FMN2: variants seen among roughly 807,000 people sequenced by gnomAD.
FMN2 encodes formin-2.
FMN2 carries 51 observed loss-of-function variants against 142.3 expected under a neutral mutation model. That is an observed-to-expected ratio of 0.36 (90% CI 0.29 to 0.45). The LOEUF is 0.45. Among genes scored for constraint, FMN2 ranks in the 20% least tolerant of loss-of-function variants. The pLI is 1.00. For synonymous variants in FMN2, 882 were observed against 869.8 expected (o/e 1.01, Z -0.25); for missense variants, 1,936 against 2,122.8 (o/e 0.91, Z 1.73).
At position 240,093,581 on chromosome 1, in the gene FMN2, C is replaced by T. The variant is rs1411806919; in HGVS notation, c.1472C>T (p.Ala491Val). The T allele has an allele frequency of 2.1e-5, 30 of 1,447,968 alleles. No homozygotes were observed. Among genetic ancestry groups the T allele is most frequent in the African/African-American group, 4.5e-5 (3 of 66,890 alleles). 89.7% of individuals were successfully genotyped at this position (1,447,968 alleles called of 1,614,324 possible). A position where few individuals can be genotyped will look rare whatever the true frequency, so the allele number is the denominator to read the frequency against. Residue 491 changes from alanine to valine, a missense_variant, in exon 1 of 18, where the codon GCC (alanine) becomes GTC (valine). This residue lies in a region of FMN2 where 751 missense variants were observed against 791.8 expected (regional missense o/e 0.95). Coordinates refer to ENST00000319653, the MANE Select transcript of FMN2 (RefSeq NM_020066.5). ...GCTGACTGGACGGAGGAGCTAGGCGCCCGCACGCCCCGGGTGGGAGGCTCC... is the reference window on the plus strand; with the variant it reads ...GCTGACTGGACGGAGGAGCTAGGCGTCCGCACGCCCCGGGTGGGAGGCTCC... ...RSADWTEELG[A>V]RTPRVGGSAH...
At chr1:240,106,577 C>G (rs763936768) in intron 1 of FMN2, among the ~76,000 whole-genome samples, 1 of 152,162 alleles carries the variant, frequency 6.6e-6, no homozygotes, top group Non-Finnish European at 1.5e-5. Context: ...GTTAGCCAAG[C>G]TATGCCACTC....
intron 7 of FMN2, among the ~76,000 whole-genome samples, chr1:240,286,548 C>T (rs6655951): frequency 0.14 from 20,679 of 152,120 alleles, 1,519 homozygotes; most frequent in African/African-American, 0.19. Context: ...TTAAGGTCTA[C>T]GAAACTGAGT....
At chr1:240,217,214 A>T (rs1258838492) in intron 6 of FMN2, among the ~76,000 whole-genome samples, 1 of 152,214 alleles carries the variant, frequency 6.6e-6, no homozygotes, top group Non-Finnish European at 1.5e-5. Context: ...TCTTTGCTGC[A>T]GTTTTATTTA....
intron 6 of FMN2, among the ~76,000 whole-genome samples, chr1:240,215,919 G>A (rs1558371932): frequency 6.6e-6 from 1 of 152,002 alleles, no homozygotes; most frequent in Non-Finnish European, 1.5e-5. Flanking sequence ...ATGTTGATCA[G>A]GCTGGTCTCA....
rs1664694700 is a variant in FMN2 at position 240,171,347 on chromosome 1, A to G, written c.1783-6574A>G. ...TGTCGTGATGTGATGGGAGCAGCCTAACAGGCAGAGAGAAGCGCCTCCTAG... is the reference window on the plus strand; with the variant it reads ...TGTCGTGATGTGATGGGAGCAGCCTGACAGGCAGAGAGAAGCGCCTCCTAG... On this transcript the variant is annotated intron_variant, in intron 2 of 17. Coordinates refer to ENST00000319653, the MANE Select transcript of FMN2 (RefSeq NM_020066.5). 47 of 623,452 alleles carry G rather than the reference A, an allele frequency of 7.5e-5. No homozygotes were observed. In the South Asian group the frequency reaches 8.3e-4, roughly 11 times the overall value. The allele number at this position is 623,452 out of a possible 1,614,324, so 38.6% of individuals were successfully genotyped here.
rs573919691 is a variant in FMN2, at chr1:240,120,793, G to A, written c.1616-2386G>A. Among the ~76,000 whole-genome samples the A allele has an allele frequency of 3.1e-3, 469 of 152,292 alleles. 1 individual carries two copies. Among genetic ancestry groups the A allele is most frequent in the Non-Finnish European group, 5.0e-3 (340 of 68,026 alleles). On this transcript the variant is annotated intron_variant, in intron 1 of 17. Coordinates refer to ENST00000319653, the MANE Select transcript of FMN2 (RefSeq NM_020066.5). The stretch of plus-strand genomic sequence containing the variant: ...GAGGAGAAATTGTGGCCCTGGAAGG[G>A]ACCCTAGAGATTTTCCATTTCCTCT...
chr1:240,280,514 C>T (rs2102937318), intron 7 of FMN2, among the ~76,000 whole-genome samples: 1 of 152,196 alleles, frequency 6.6e-6, no homozygotes, highest in Admixed American at 6.5e-5. Context: ...AAAACAGTGG[C>T]AAAATGTGAT....
intron 14 of FMN2, among the ~76,000 whole-genome samples, chr1:240,378,843 G>A (rs1246458047): frequency 6.6e-6 from 1 of 151,930 alleles, no homozygotes; most frequent in Non-Finnish European, 1.5e-5. Context: ...TTCTCATTAT[G>A]TTCATGTTTT....
intron 16 of FMN2, among the ~76,000 whole-genome samples, chr1:240,443,370 C>T (rs1675689960): frequency 2.6e-5 from 4 of 151,920 alleles, no homozygotes; most frequent in Admixed American, 2.6e-4. Context: ...TTTGAAAAAA[C>T]AATCTAGACT....
chr1:240,436,669 TCC>T (rs1675384021), intron 15 of FMN2, among the ~76,000 whole-genome samples: 1 of 72,934 alleles, frequency 1.4e-5, no homozygotes, highest in Non-Finnish European at 2.7e-5. Flanking sequence ...AGTGTGAGAC[TCC>T]GTCTCAAAAA....
chr1:240,435,951 A>G (rs1675352607), intron 15 of FMN2, among the ~76,000 whole-genome samples: 1 of 152,218 alleles, frequency 6.6e-6, no homozygotes, highest in South Asian at 2.1e-4. Context: ...AAGACTTGAG[A>G]CCTAACTTCA....
intron 14 of FMN2, among the ~76,000 whole-genome samples, chr1:240,363,979 TG>T (rs1431991094): frequency 5.9e-5 from 9 of 152,024 alleles, no homozygotes; most frequent in African/African-American, 2.2e-4. Context: ...AAATTTCTGG[TG>T]CACTAGTGGG....
chr1:240,416,689 T>C, intron 15 of FMN2, among the ~76,000 whole-genome samples: 1 of 152,176 alleles, frequency 6.6e-6, no homozygotes, highest in Non-Finnish European at 1.5e-5. Flanking sequence ...GCCAGTCTTT[T>C]AGGATGTTTC....
At chr1:240,320,634 CA>C (rs1188498863) in intron 8 of FMN2, among the ~76,000 whole-genome samples, 1 of 152,146 alleles carries the variant, frequency 6.6e-6, no homozygotes, top group African/African-American at 2.4e-5. Flanking sequence ...TTTAGGACGA[CA>C]GTGAATTTTG....
At chr1:240,161,634 A>G (rs1411256867) in intron 2 of FMN2, among the ~76,000 whole-genome samples, 1 of 152,210 alleles carries the variant, frequency 6.6e-6, no homozygotes, top group East Asian at 1.9e-4. Context: ...GCAAGGACAT[A>G]GAAACACACA....
rs1373709571 is a variant in FMN2, at chr1:240,297,516, A to C, written c.4215+2633A>C. 2.7e-5 allele frequency among the ~76,000 whole-genome samples: 4 copies of C among 149,430 alleles called. No homozygotes were observed. The East Asian group carries it at 8.0e-4, about 30-fold the overall frequency. On this transcript the variant is annotated intron_variant, in intron 8 of 17. Transcript: ENST00000319653. The stretch of plus-strand genomic sequence containing the variant: ...GAGGCTAAGGCAGGAGAATTACTTG[A>C]ATCTGGGAGGCGGAGGTTGCTGTGA...
intron 8 of FMN2, among the ~76,000 whole-genome samples, chr1:240,314,047 T>C (rs1407804072): frequency 1.3e-5 from 2 of 152,178 alleles, no homozygotes; most frequent in Non-Finnish European, 2.9e-5. Flanking sequence ...ATTATGCTTT[T>C]GTACATAAAA....
chr1:240,123,092 C>T (rs1385062756), intron 1 of FMN2, 87 bp from the exon 2 acceptor site: 2 of 1,436,244 alleles, frequency 1.4e-6, no homozygotes, highest in Non-Finnish European at 1.9e-6. Context: ...TGTTCCCTGG[C>T]AGTGTTTACC....
intron 2 of FMN2, among the ~76,000 whole-genome samples, chr1:240,142,435 A>G (rs1663222717): frequency 6.6e-6 from 1 of 151,128 alleles, no homozygotes; most frequent in African/African-American, 2.4e-5. Context: ...CTTCTGAGCC[A>G]TGGTCCCAGG....
Sources: gnomAD v4.1 joint callset for allele counts (sites outside exome capture counted in the v4.1 genomes callset) on GRCh38, gnomAD v4.1.1 for gene constraint, gnomAD v4.1.1 regional missense constraint, MANE v1.5 for transcripts, NCBI Gene and HGNC (gene_info 2026-07-23, HGNC 2026-07-21) for gene names.